The following DNAJC1 variants were observed in gnomAD, a reference collection of about 807,000 sequenced individuals.
DNAJC1 encodes the protein DnaJ heat shock protein family (Hsp40) member C1, also known as dnaJ homolog subfamily C member 1.
Under a neutral mutation model 76.6 loss-of-function variants are expected in DNAJC1, and 58 were observed. The observed-to-expected ratio is 0.76, with a 90% CI of 0.61 to 0.94. The LOEUF (loss-of-function observed/expected upper bound fraction) is 0.94. DNAJC1 is among the 40% of genes least tolerant of loss of function. DNAJC1 has a pLI of 0.00. For missense variants in DNAJC1, 689 were observed against 677.3 expected, an observed-to-expected ratio of 1.02 and a Z score of -0.19; for synonymous variants, 258 against 267.9, an observed-to-expected ratio of 0.96 and a Z score of 0.36.
chr10:21,760,744 T>C (rs1589969853), intron 10 of DNAJC1, among the ~76,000 whole-genome samples: 1 of 152,252 alleles, frequency 6.6e-6, no homozygotes, highest in African/African-American at 2.4e-5. Context: ...ACAGCACAGG[T>C]CTAGCCTTTT....
intron 6 of DNAJC1, among the ~76,000 whole-genome samples, chr10:21,908,769 T>C (rs1227903332): frequency 6.6e-6 from 1 of 152,156 alleles, no homozygotes; most frequent in East Asian, 1.9e-4. Flanking sequence ...ATTATGGAGT[T>C]TACATTTTTC....
At chr10:21,956,969 G>A (rs1837697737) in intron 1 of DNAJC1, among the ~76,000 whole-genome samples, 1 of 148,754 alleles carries the variant, frequency 6.7e-6, no homozygotes, top group African/African-American at 2.5e-5. Context: ...TCGGCTCGCT[G>A]CAACCTCCGC....
intron 9 of DNAJC1, among the ~76,000 whole-genome samples, chr10:21,791,455 C>T (rs919664217): frequency 3.3e-5 from 5 of 151,482 alleles, no homozygotes; most frequent in African/African-American, 1.2e-4. Context: ...TTCTCATCAG[C>T]TCATGGAACA....
At chr10:21,763,798 C>T (rs910024680) in intron 10 of DNAJC1, among the ~76,000 whole-genome samples, 1 of 152,010 alleles carries the variant, frequency 6.6e-6, no homozygotes, top group South Asian at 2.1e-4. Flanking sequence ...TATCTTGTTG[C>T]AATATCTTGA....
At chr10:21,791,970 T>G (rs1834694054) in intron 9 of DNAJC1, among the ~76,000 whole-genome samples, 1 of 152,110 alleles carries the variant, frequency 6.6e-6, no homozygotes, top group African/African-American at 2.4e-5. Flanking sequence ...GATAAACCGT[T>G]AGCTTAGCGT....
rs549623376 is a variant in DNAJC1, at chr10:21,838,018, C to T, written c.979-31919G>A. On this transcript the variant is annotated intron_variant, in intron 8 of 11. Transcript: ENST00000376980. Reference sequence around the variant, plus strand: ...CCGGCTGGGAGGTGGGGGGCGTCTCCGCCCAGCCGCTGCCCCGTCCGGGAG... The same window carrying T: ...CCGGCTGGGAGGTGGGGGGCGTCTCTGCCCAGCCGCTGCCCCGTCCGGGAG... Among the ~76,000 whole-genome samples the T allele has an allele frequency of 2.3e-4, 35 of 149,154 alleles. 1 individual carries two copies. In the South Asian group the frequency reaches 5.1e-3, roughly 22 times the overall value.
chr10:21,925,325 T>C (rs892851499), intron 3 of DNAJC1, among the ~76,000 whole-genome samples: 1 of 152,190 alleles, frequency 6.6e-6, no homozygotes, highest in African/African-American at 2.4e-5. Context: ...ATTGTGTATG[T>C]GGTCCCCCAT....
intron 1 of DNAJC1, among the ~76,000 whole-genome samples, chr10:21,936,524 C>T (rs945486188): frequency 1.3e-5 from 2 of 152,106 alleles, no homozygotes; most frequent in African/African-American, 4.8e-5. Flanking sequence ...CTATGGCAGA[C>T]ATTATATACA....
intron 7 of DNAJC1, among the ~76,000 whole-genome samples, chr10:21,889,471 C>T (rs776540920): frequency 2.0e-5 from 3 of 152,032 alleles, no homozygotes; most frequent in Non-Finnish European, 2.9e-5. Context: ...TTCCACATTC[C>T]TCTCACTAAG....
intron 7 of DNAJC1, among the ~76,000 whole-genome samples, chr10:21,900,029 A>G (rs1836621881): frequency 6.6e-6 from 1 of 152,212 alleles, no homozygotes; most frequent in Non-Finnish European, 1.5e-5. Context: ...CTTAGGCTAC[A>G]CAAAATTTAC....
intron 8 of DNAJC1, among the ~76,000 whole-genome samples, chr10:21,867,867 T>A (rs1419614308): frequency 6.6e-6 from 1 of 151,234 alleles, no homozygotes; most frequent in East Asian, 2.0e-4. Flanking sequence ...AGGTCAGGAG[T>A]TTGAGACCAG....
chr10:21,846,919 TTAGA>T (rs1285950171), intron 8 of DNAJC1, among the ~76,000 whole-genome samples: 2 of 151,748 alleles, frequency 1.3e-5, no homozygotes, highest in Non-Finnish European at 2.9e-5. Flanking sequence ...CAGTTCTGGC[TTAGA>T]TAGGAGAGGT....
chr10:21,936,701 C>G (rs981917557), intron 1 of DNAJC1, among the ~76,000 whole-genome samples: 10 of 152,028 alleles, frequency 6.6e-5, no homozygotes, highest in African/African-American at 2.4e-4. Context: ...TGAAACTAAA[C>G]TGGTATTAAT....
At chr10:21,956,819 A>AACACAC (rs3051926) in intron 1 of DNAJC1, among the ~76,000 whole-genome samples, 59 of 142,154 alleles carry the variant, frequency 4.2e-4, no homozygotes, top group African/African-American at 1.3e-3. Context: ...GTTTATACAT[A>AACACAC]ACACACACAC....
chr10:21,884,350 T>G (rs1361836607), intron 7 of DNAJC1, among the ~76,000 whole-genome samples: 1 of 152,114 alleles, frequency 6.6e-6, no homozygotes, highest in Non-Finnish European at 1.5e-5. Context: ...AAATACAAAT[T>G]AAGTAATACC....
At chr10:21,867,613 T>G (rs574032592) in intron 8 of DNAJC1, among the ~76,000 whole-genome samples, 127 of 152,262 alleles carry the variant, frequency 8.3e-4, no homozygotes, top group African/African-American at 2.9e-3. Context: ...GATAAGACCC[T>G]GAAAACCCAG....
chr10:21,939,483 G>C (rs1371433370), intron 1 of DNAJC1, among the ~76,000 whole-genome samples: 1 of 152,098 alleles, frequency 6.6e-6, no homozygotes, highest in African/African-American at 2.4e-5. Context: ...AATTATAATG[G>C]AGCTGACCTA....
intron 7 of DNAJC1, among the ~76,000 whole-genome samples, chr10:21,891,081 T>A (rs975264252): frequency 8.6e-5 from 13 of 151,786 alleles, no homozygotes; most frequent in Admixed American, 2.6e-4. Context: ...TCCCAGCTAC[T>A]CAGGAGGCTG....
intron 6 of DNAJC1, among the ~76,000 whole-genome samples, chr10:21,906,849 T>C (rs1836754518): frequency 1.3e-5 from 2 of 152,218 alleles, no homozygotes; most frequent in African/African-American, 4.8e-5. Context: ...TGATATCTTC[T>C]ACACAGTTAG....
Sources: gnomAD v4.1 joint callset for allele counts (sites outside exome capture counted in the v4.1 genomes callset) on GRCh38, gnomAD v4.1.1 for gene constraint, MANE v1.5 for transcripts, NCBI Gene and HGNC (gene_info 2026-07-23, HGNC 2026-07-21) for gene names.